The following DLG4 variants were observed in gnomAD, a reference collection of about 807,000 sequenced individuals.
DLG4 encodes the protein discs large MAGUK scaffold protein 4.
Under a neutral mutation model 93.8 loss-of-function variants are expected in DLG4, and 7 were observed. That is an observed-to-expected ratio of 0.07 (90% CI 0.04 to 0.14). DLG4 has a LOEUF of 0.14. Ranked by LOEUF, DLG4 falls within the 10% of genes least tolerant of loss-of-function variation. The pLI, the probability that DLG4 is intolerant of heterozygous loss-of-function variation, is 1.00. For missense variants in DLG4, 545 were observed against 992.9 expected (o/e 0.55, Z 6.06); for synonymous variants, 341 against 387.6 (o/e 0.88, Z 1.41).
rs2069826414 is a variant in DLG4, at chr17:7,197,012, G to A, written c.828C>T (p.Ser276=). Residue 276 remains serine, a synonymous_variant, in exon 9 of 20, where the codon AGC becomes AGT. Coordinates refer to ENST00000399506, the MANE Select transcript of DLG4 (RefSeq NM_001321075.3). The part of the protein sequence containing the change: ...QHLDNEISHS[S]YLGTDYPTAM... ...CTGTGGGGTAGTCGGTGCCCAGGTA[G>A]CTGCTGTGACTGATCTCATTGTCCA... 1.9e-6 allele frequency: 3 copies of A among 1,613,350 alleles called. No individual in the cohort carries two copies. In the South Asian group the frequency reaches 3.3e-5, roughly 18 times the overall value.
At chr17:7,218,601 G>C, upstream of DLG4, 3 of 1,566,538 alleles carry the variant, frequency 1.9e-6, no homozygotes, top group Non-Finnish European at 1.7e-6. Context: ...GCCCACCGCA[G>C]CAGTGGGGGT....
rs552454133 is a variant in DLG4, at chr17:7,187,317, G to T, written c.*3391C>A. 1.5e-3 allele frequency among the ~76,000 whole-genome samples: 179 copies of T among 117,710 alleles called. 33 individuals carry two copies. The East Asian group carries it at 0.035, about 23-fold the overall frequency. 77.2% of individuals were successfully genotyped at this position (117,710 alleles called of 152,430 possible). A position where few individuals can be genotyped will look rare whatever the true frequency, so the allele number is the denominator to read the frequency against. On this transcript the variant is annotated 3_prime_UTR_variant, in exon 20 of 20. Coordinates refer to ENST00000399506, the MANE Select transcript of DLG4 (RefSeq NM_001321075.3). ...CACTTTGGGAGGCCGAGGGGGGGGG[G>T]GGTGGATCACCCGAGGTCAGGAGTT...
intron 1 of DLG4, among the ~76,000 whole-genome samples, chr17:7,211,487 G>C (rs896112456): frequency 5.3e-5 from 8 of 151,540 alleles, no homozygotes; most frequent in African/African-American, 1.9e-4. Context: ...AGGGGTGTGA[G>C]TCAAAGTGAA....
chr17:7,214,487 C>T (rs1357938852), intron 1 of DLG4, among the ~76,000 whole-genome samples: 3 of 152,346 alleles, frequency 2.0e-5, no homozygotes, highest in Admixed American at 6.5e-5. Context: ...CCCTCCGCCA[C>T]GCCCCTGACG....
At chr17:7,205,473 C>T (rs1156540820) in intron 2 of DLG4, among the ~76,000 whole-genome samples, 1 of 152,114 alleles carries the variant, frequency 6.6e-6, no homozygotes, top group Non-Finnish European at 1.5e-5. Flanking sequence ...GTCGCCCAAG[C>T]GCAAGGATTC....
At chr17:7,212,657 TA>T (rs2070754895) in intron 1 of DLG4, among the ~76,000 whole-genome samples, 1 of 152,004 alleles carries the variant, frequency 6.6e-6, no homozygotes, top group Non-Finnish European at 1.5e-5. Flanking sequence ...AAAACTCTTA[TA>T]AAAAGAAATG....
chr17:7,193,259 G>A lies in DLG4; in HGVS notation c.1694-142C>T, dbSNP rs1038724340. 7.8e-6 allele frequency: 10 copies of A among 1,285,616 alleles called. No individual in the cohort carries two copies. Among genetic ancestry groups the A allele is most frequent in the Admixed American group, 1.9e-5 (1 of 52,596 alleles). 79.6% of individuals were successfully genotyped at this position (1,285,616 alleles called of 1,614,324 possible). ...GCCAGGGAGACCAAGACTGCAGAGG[G>A]CCAGAACCGCTTCCCCTAGCACCCT... On this transcript the variant is annotated intron_variant, in intron 16 of 19. Coordinates refer to ENST00000399506, the MANE Select transcript of DLG4 (RefSeq NM_001321075.3). This position sits in a 1 kb window ranked among gnomAD's most constrained non-coding sequence, Gnocchi z 6.7.
chr17:7,216,863 C>T (rs185246502), intron 1 of DLG4, among the ~76,000 whole-genome samples: 3 of 151,832 alleles, frequency 2.0e-5, no homozygotes, highest in Non-Finnish European at 2.9e-5. Context: ...CCCCCAAACC[C>T]GCCAGGCCCC....
At chr17:7,199,849 G>A (rs186713635) in intron 8 of DLG4, among the ~76,000 whole-genome samples, 182 of 151,980 alleles carry the variant, frequency 1.2e-3, no homozygotes, top group African/African-American at 3.8e-3. Context: ...GCGTGGTGGT[G>A]GGCACCTGTA....
intron 8 of DLG4, 170 bp downstream of exon 8, chr17:7,202,733 T>C: frequency 1.2e-6 from 1 of 859,606 alleles, no homozygotes; most frequent in Non-Finnish European, 1.8e-6. Context: ...TCTAGTTCTT[T>C]TATGGTAATT....
Position 7,193,023 on chromosome 17 carries a change from G to C in DLG4, c.1788C>G (p.His596Gln). 2.5e-6 allele frequency: 4 copies of C among 1,613,776 alleles called. No individual in the cohort carries two copies. Among genetic ancestry groups the C allele is most frequent in the Non-Finnish European group, 3.4e-6 (4 of 1,179,784 alleles). ...REKMEKDIQAHKFIEAGQYNS... is the reference protein window; with the variant it reads ...REKMEKDIQAQKFIEAGQYNS... ...TGTACTGGCCGGCCTCAATGAACTT[G>C]TGCGCCTGAATGTCCTTCTCCATTT... is the stretch of plus-strand genomic sequence containing the variant. The change falls in exon 17 of 20, where the codon CAC (histidine) becomes CAG (glutamine). Residue 596 changes from histidine to glutamine, a missense_variant. Physicochemically the swap from His to Gln is conservative, Grantham distance 24. Coordinates refer to ENST00000399506, the MANE Select transcript of DLG4 (RefSeq NM_001321075.3). The surrounding 1 kb of genome is among the most constrained non-coding windows in gnomAD (Gnocchi z 6.7).
chr17:7,191,444 C>T lies in DLG4; in HGVS notation c.1977-86G>A, dbSNP rs1305291014. On this transcript the variant is annotated intron_variant, in intron 18 of 19. Coordinates refer to ENST00000399506, the MANE Select transcript of DLG4 (RefSeq NM_001321075.3). This position sits in a 1 kb window ranked among gnomAD's most constrained non-coding sequence, Gnocchi z 6.6. ...CCTCTATCCAGGAATGTTAAGTATTCTTCTATTTGGAGCACATAGCAAAAA... is the reference window on the plus strand; with the variant it reads ...CCTCTATCCAGGAATGTTAAGTATTTTTCTATTTGGAGCACATAGCAAAAA... The T allele has an allele frequency of 9.4e-7, 1 of 1,065,070 alleles. No individual in the cohort carries two copies. The highest frequency in any genetic ancestry group is 1.3e-5 in the South Asian group (1 of 76,990). The allele number at this position is 1,065,070 out of a possible 1,614,324, so 66.0% of individuals were successfully genotyped here. A position where few individuals can be genotyped will look rare whatever the true frequency, so the allele number is the denominator to read the frequency against.
chr17:7,201,478 C>G (rs904858124), intron 8 of DLG4, among the ~76,000 whole-genome samples: 1 of 152,180 alleles, frequency 6.6e-6, no homozygotes, highest in Non-Finnish European at 1.5e-5. Flanking sequence ...AACAACCCCC[C>G]ACAATGAAGA....
Position 7,193,250 on chromosome 17 carries a change from C to A in DLG4, c.1694-133G>T. 7.4e-7 allele frequency: 1 copy of A among 1,350,858 alleles called. No individual in the cohort carries two copies. The highest frequency in any genetic ancestry group is 1.8e-5 in the Admixed American group (1 of 54,930). The allele number at this position is 1,350,858 out of a possible 1,614,324, so 83.7% of individuals were successfully genotyped here. A position where few individuals can be genotyped will look rare whatever the true frequency, so the allele number is the denominator to read the frequency against. On this transcript the variant is annotated intron_variant, in intron 16 of 19. Transcript: ENST00000399506. The surrounding 1 kb of genome is among the most constrained non-coding windows in gnomAD (Gnocchi z 6.7). ...AAGGGAGCTGCCAGGGAGACCAAGA[C>A]TGCAGAGGGCCAGAACCGCTTCCCC...
At chr17:7,198,119 G>C (rs1245376256) in intron 8 of DLG4, among the ~76,000 whole-genome samples, 1 of 152,098 alleles carries the variant, frequency 6.6e-6, no homozygotes, top group Non-Finnish European at 1.5e-5. Context: ...ATCACCGCCT[G>C]GTTCTGATAA....
At position 7,203,877 on chromosome 17, in the gene DLG4, G is replaced by A; in HGVS notation, c.211-61C>T. The stretch of plus-strand genomic sequence containing the variant: ...ACTGCCCAAGTCTGGCAAGGCAAGT[G>A]GGGTGGGAAATGGCTTGGAGCAGCC... On this transcript the variant is annotated intron_variant, in intron 4 of 19. Coordinates refer to ENST00000399506, the MANE Select transcript of DLG4 (RefSeq NM_001321075.3). This position sits in a 1 kb window ranked among gnomAD's most constrained non-coding sequence, Gnocchi z 7.2. The A allele has an allele frequency of 1.2e-6, 2 of 1,603,026 alleles. No homozygotes were observed. Among genetic ancestry groups the A allele is most frequent in the Non-Finnish European group, 1.7e-6 (2 of 1,174,714 alleles).
chr17:7,213,496 G>A (rs1223602851), intron 1 of DLG4, among the ~76,000 whole-genome samples: 3 of 151,898 alleles, frequency 2.0e-5, no homozygotes, highest in Non-Finnish European at 2.9e-5. Flanking sequence ...CAACTTTGTC[G>A]GAAGATTGCT....
chr17:7,212,835 C>T (rs35224044), intron 1 of DLG4, among the ~76,000 whole-genome samples: 82,563 of 151,690 alleles, frequency 0.54, 22,999 homozygotes, highest in Middle Eastern at 0.68. Flanking sequence ...GCGTTCCAGA[C>T]CAGCCTGGCC....
rs1253688873 is a variant in DLG4, at chr17:7,204,042, C to T, written c.176G>A (p.Gly59Glu). 8 of 1,610,256 alleles carry T rather than the reference C, an allele frequency of 5.0e-6. No homozygotes were observed. In the Admixed American group the frequency reaches 8.4e-5, roughly 17 times the overall value. Residue 59 changes from glycine to glutamate, a missense_variant, in exon 4 of 20, where the codon GGG becomes GAG. Gly to Glu is a moderately conservative substitution (Grantham distance 98, BLOSUM62 -2). Around this residue, in one of 5 missense-constraint regions of DLG4, gnomAD observed 49 missense variants for 80.4 expected, o/e 0.61. Transcript: ENST00000399506. The part of the protein sequence containing the change: ...GYELQVNGTE[G>E]EMEYEEITLE... Reference sequence around the variant, plus strand: ...TGTGATTTCCTCGTATTCCATCTCCCCCTCGGTCCCGTTCACCTGCAACTC... The same window carrying T: ...TGTGATTTCCTCGTATTCCATCTCCTCCTCGGTCCCGTTCACCTGCAACTC...
Sources: allele counts gnomAD v4.1 joint callset (sites outside exome capture counted in the v4.1 genomes callset), GRCh38; gene constraint gnomAD v4.1.1; regional missense constraint gnomAD v4.1.1; non-coding constraint Gnocchi (gnomAD v3.1); transcripts MANE v1.5; gene names NCBI Gene and HGNC (gene_info 2026-07-23, HGNC 2026-07-21).